Variants in PPP1R42 observed in about 807,000 individuals in gnomAD.
PPP1R42 encodes the protein protein phosphatase 1 regulatory subunit 42, also known as leucine rich repeat containing 67.
A neutral mutation model predicts 31.0 loss-of-function variants in PPP1R42; 34 were observed. The ratio of observed to expected loss-of-function variants is 1.10; its 90% confidence interval spans 0.83 to 1.46. The LOEUF (loss-of-function observed/expected upper bound fraction) is 1.46. Ranked by LOEUF, PPP1R42 falls within the 40% of genes most tolerant of loss-of-function variation. The probability of loss-of-function intolerance (pLI) is 0.00; values close to 1 mark genes in which losing one functional copy is unlikely to be tolerated. For missense variants in PPP1R42, 268 were observed against 303.0 expected (o/e 0.88, Z 0.86); for synonymous variants, 103 against 109.8 (o/e 0.94, Z 0.39).
chr8:67,013,131 C>A lies in PPP1R42; in HGVS notation c.297-35G>T. Reference sequence around the variant, plus strand: ...ATAGACATAATTCTAAACAGACATTCTGAGAATGTCATGGTCTTTATTAAA... The same window carrying A: ...ATAGACATAATTCTAAACAGACATTATGAGAATGTCATGGTCTTTATTAAA... On this transcript the variant is annotated intron_variant, in intron 3 of 7. Transcript: ENST00000685739. 3 of 1,529,248 alleles carry A rather than the reference C, an allele frequency of 2.0e-6. No individual in the cohort carries two copies. The South Asian group carries it at 3.9e-5, about 20-fold the overall frequency. 94.7% of individuals were successfully genotyped at this position (1,529,248 alleles called of 1,614,324 possible).
At chr8:67,004,519 A>T (rs893370269) in intron 5 of PPP1R42, among the ~76,000 whole-genome samples, 9 of 152,116 alleles carry the variant, frequency 5.9e-5, no homozygotes, top group Admixed American at 5.2e-4. Flanking sequence ...GGAGACTGTC[A>T]ATTTTATCAT....
At chr8:66,994,603 C>A (rs1815284924) in intron 5 of PPP1R42, among the ~76,000 whole-genome samples, 1 of 152,052 alleles carries the variant, frequency 6.6e-6, no homozygotes, top group East Asian at 1.9e-4. Context: ...TTTGATGGAA[C>A]AAGACTACAA....
chr8:66,987,444 G>A (rs1312587694), intron 6 of PPP1R42, among the ~76,000 whole-genome samples: 4 of 151,756 alleles, frequency 2.6e-5, no homozygotes, highest in Non-Finnish European at 4.4e-5. Flanking sequence ...TGTGCACACT[G>A]CCACCCCTGG....
intron 7 of PPP1R42, among the ~76,000 whole-genome samples, chr8:66,972,313 ACT>A (rs1451100579): frequency 1.3e-5 from 2 of 152,052 alleles, no homozygotes; most frequent in African/African-American, 4.8e-5. Flanking sequence ...ATAACCAAGT[ACT>A]CCTGAGAAAA....
At position 66,988,525 on chromosome 8, in the gene PPP1R42, TAGAG is replaced by T; in HGVS notation, c.553-12_553-9del. 1 of 1,593,148 alleles carries T rather than the reference TAGAG, an allele frequency of 6.3e-7. No individual in the cohort carries two copies. Among genetic ancestry groups the T allele is most frequent in the East Asian group, 2.2e-5 (1 of 44,550 alleles). On this transcript the variant is annotated splice_polypyrimidine_tract_variant and intron_variant, in intron 5 of 7. Coordinates refer to ENST00000685739, the MANE Select transcript of PPP1R42 (RefSeq NM_001364910.1). ...CAGTAAAAACTCCAAATCCTATAAT[TAGAG>T]AAGAAAAAGCAAAGCACAAGCATTT...
In PPP1R42 at chr8:66,982,183, G is replaced by A; in HGVS notation, c.671-3C>T. The A allele has an allele frequency of 2.2e-6, 3 of 1,355,362 alleles. No homozygotes were observed. Among genetic ancestry groups the A allele is most frequent in the Non-Finnish European group, 1.9e-6 (2 of 1,038,192 alleles). The allele number at this position is 1,355,362 out of a possible 1,614,324, so 84.0% of individuals were successfully genotyped here. A position where few individuals can be genotyped will look rare whatever the true frequency, so the allele number is the denominator to read the frequency against. On this transcript the variant is annotated splice_polypyrimidine_tract_variant and splice_region_variant and intron_variant, in intron 6 of 7. Transcript: ENST00000685739. The stretch of plus-strand genomic sequence containing the variant: ...AATTTCTTTTCCATCAAGAAATTCT[G>A]GAGAAAAATACATACATTTAAAAAA...
intron 5 of PPP1R42, among the ~76,000 whole-genome samples, chr8:66,988,961 A>G (rs1815108813): frequency 6.6e-6 from 1 of 152,194 alleles, no homozygotes; most frequent in Non-Finnish European, 1.5e-5. Context: ...AGTGTTAAAA[A>G]AAAAAGACCA....
At chr8:67,025,538 C>A (rs1816366941) in intron 1 of PPP1R42, among the ~76,000 whole-genome samples, 1 of 148,200 alleles carries the variant, frequency 6.7e-6, no homozygotes, top group African/African-American at 2.5e-5. Context: ...CCTCTTCCAT[C>A]TTAGGGTTTT....
intron 5 of PPP1R42, among the ~76,000 whole-genome samples, chr8:66,990,989 C>T (rs943067163): frequency 6.6e-6 from 1 of 152,162 alleles, no homozygotes; most frequent in African/African-American, 2.4e-5. Flanking sequence ...ATATTTAGTT[C>T]ATATAAGAGG....
intron 5 of PPP1R42, among the ~76,000 whole-genome samples, chr8:67,010,008 G>A (rs1815797185): frequency 6.6e-6 from 1 of 152,158 alleles, no homozygotes; most frequent in South Asian, 2.1e-4. Context: ...CATAGCAATG[G>A]CTCAACTCAT....
At chr8:67,026,459 G>A (rs1208363838) in intron 1 of PPP1R42, among the ~76,000 whole-genome samples, 3 of 152,210 alleles carry the variant, frequency 2.0e-5, no homozygotes, top group African/African-American at 7.2e-5. Flanking sequence ...CTTGGCTTCA[G>A]CTTCTAGTCC....
chr8:66,964,919 C>T (rs1396860663), intron 7 of PPP1R42, among the ~76,000 whole-genome samples: 2 of 152,190 alleles, frequency 1.3e-5, no homozygotes, highest in Non-Finnish European at 2.9e-5. Context: ...TTATCTTGTG[C>T]TGACCCTTTG....
At chr8:66,971,586 A>G (rs1814539705) in intron 7 of PPP1R42, among the ~76,000 whole-genome samples, 1 of 152,046 alleles carries the variant, frequency 6.6e-6, no homozygotes, top group Non-Finnish European at 1.5e-5. Flanking sequence ...AGCCCTATTC[A>G]CCTCTAATCC....
chr8:67,017,930 T>G (rs1450023942), intron 1 of PPP1R42, 99 bp from the exon 2 acceptor site: 1 of 513,188 alleles, frequency 1.9e-6, no homozygotes, highest in Non-Finnish European at 3.0e-6. Context: ...ATGAAACTAT[T>G]TGATAAGCTA....
At chr8:66,992,811 C>A (rs1815229577) in intron 5 of PPP1R42, among the ~76,000 whole-genome samples, 1 of 152,190 alleles carries the variant, frequency 6.6e-6, no homozygotes, top group African/African-American at 2.4e-5. Context: ...GAGAGGTCAT[C>A]TATTCACAAG....
Position 67,005,103 on chromosome 8 carries a change from C to CTT in PPP1R42, c.552+5610_552+5611dup, listed in dbSNP as rs766691539. ...TTTAGTCTTTCATGAAATCCACCCA[C>CTT]TTTTTTTTTTTTTTTTTTTTTTAGC... On this transcript the variant is annotated intron_variant, in intron 5 of 7. Coordinates refer to ENST00000685739, the MANE Select transcript of PPP1R42 (RefSeq NM_001364910.1). Among the ~76,000 whole-genome samples, 288 of 120,806 alleles carry CTT rather than the reference C, an allele frequency of 2.4e-3. 2 individuals carry two copies. Among genetic ancestry groups the CTT allele is most frequent in the African/African-American group, 8.3e-3 (268 of 32,200 alleles). The allele number at this position is 120,806 out of a possible 152,430, so 79.3% of individuals were successfully genotyped here. A position where few individuals can be genotyped will look rare whatever the true frequency, so the allele number is the denominator to read the frequency against.
intron 4 of PPP1R42, among the ~76,000 whole-genome samples, chr8:67,012,143 GAAGAATTGCT>G (rs1184786915): frequency 6.6e-6 from 1 of 152,216 alleles, no homozygotes; most frequent in Non-Finnish European, 1.5e-5. Context: ...CGCTGAGGCA[GAAGAATTGCT>G]TGAACCGGGG....
intron 5 of PPP1R42, among the ~76,000 whole-genome samples, chr8:67,008,928 T>G (rs1249457904): frequency 6.6e-6 from 1 of 152,176 alleles, no homozygotes; most frequent in African/African-American, 2.4e-5. Context: ...AAACTCCCCT[T>G]TCTCTGTTTG....
chr8:66,967,213 C>CCT (rs1181014996), intron 7 of PPP1R42, among the ~76,000 whole-genome samples: 4 of 152,082 alleles, frequency 2.6e-5, no homozygotes, highest in African/African-American at 9.7e-5. Context: ...CTCAAGCAAT[C>CCT]CTCTCTCCTT....
Sources: allele counts gnomAD v4.1 joint callset (sites outside exome capture counted in the v4.1 genomes callset), GRCh38; gene constraint gnomAD v4.1.1; transcripts MANE v1.5; gene names NCBI Gene and HGNC (gene_info 2026-07-23, HGNC 2026-07-21).